Variants in VEZT observed in about 807,000 individuals in gnomAD.
VEZT encodes vezatin.
VEZT carries 39 observed loss-of-function variants against 79.9 expected under a neutral mutation model. That is an observed-to-expected ratio of 0.49 (90% CI 0.38 to 0.64). The LOEUF (loss-of-function observed/expected upper bound fraction) is 0.64, where lower values mean the gene tolerates loss of function less well. VEZT is among the 30% of genes least tolerant of loss of function. The pLI is 0.00. For synonymous variants in VEZT, 325 were observed against 327.6 expected (o/e 0.99, Z 0.09); for missense variants, 837 against 893.1 (o/e 0.94, Z 0.80).
chr12:95,277,504 T>C (rs1268648790), intron 7 of VEZT, among the ~76,000 whole-genome samples: 1 of 152,214 alleles, frequency 6.6e-6, no homozygotes, highest in Non-Finnish European at 1.5e-5. Context: ...TATATATAGC[T>C]ACTCTTTGGG....
At chr12:95,226,031 GCT>G (rs967511612) in intron 1 of VEZT, among the ~76,000 whole-genome samples, 2 of 151,540 alleles carry the variant, frequency 1.3e-5, no homozygotes, top group African/African-American at 4.9e-5. Flanking sequence ...GGAGTTCAAG[GCT>G]GTGATGAGCT....
chr12:95,258,688 A>G (rs901837821), intron 3 of VEZT, among the ~76,000 whole-genome samples: 4 of 152,186 alleles, frequency 2.6e-5, no homozygotes, highest in African/African-American at 9.7e-5. Context: ...TTAAAAATTA[A>G]AAAAATCCTT....
rs140211047 is a variant in VEZT, at chr12:95,239,304, C to A, written c.37-12636C>A. Among the ~76,000 whole-genome samples the A allele has an allele frequency of 5.7e-4, 87 of 152,090 alleles. 1 individual carries two copies. The East Asian group carries it at 0.016, about 28-fold the overall frequency. ...AATAAGTTAACTTTTCTTGTATATCCCCAGAGAGAAGTTAATGGCAGAGAA... is the reference window on the plus strand; with the variant it reads ...AATAAGTTAACTTTTCTTGTATATCACCAGAGAGAAGTTAATGGCAGAGAA... On this transcript the variant is annotated intron_variant, in intron 1 of 11. Transcript: ENST00000436874.
chr12:95,288,400 C>G (rs911639064), intron 9 of VEZT, among the ~76,000 whole-genome samples: 3 of 152,062 alleles, frequency 2.0e-5, no homozygotes, highest in African/African-American at 4.8e-5. Flanking sequence ...GAGATTTTTC[C>G]ACCAAGCTGC....
chr12:95,251,798 A>C, intron 1 of VEZT, 142 bp from the exon 2 acceptor site: 3 of 607,694 alleles, frequency 4.9e-6, no homozygotes, highest in Non-Finnish European at 5.3e-6. Context: ...GTATTATAAC[A>C]GATAATTCAG....
chr12:95,266,197 C>G (rs946088943), intron 4 of VEZT, among the ~76,000 whole-genome samples, 160 bp from the exon 5 acceptor site: 1 of 152,164 alleles, frequency 6.6e-6, no homozygotes, highest in African/African-American at 2.4e-5. Context: ...TTCACATCAC[C>G]TTCTTAAATG....
At chr12:95,294,086 C>CT in intron 9 of VEZT, 186 bp from the exon 10 acceptor site, 1 of 499,908 alleles carries the variant, frequency 2.0e-6, no homozygotes, top group Non-Finnish European at 3.6e-6. Flanking sequence ...GCGACAGAGT[C>CT]TTTGTTTCCA....
intron 11 of VEZT, among the ~76,000 whole-genome samples, chr12:95,298,188 T>C (rs1472943571): frequency 6.6e-6 from 1 of 151,990 alleles, no homozygotes; most frequent in Non-Finnish European, 1.5e-5. Flanking sequence ...TTCTGCCTTC[T>C]CCACCAAGCT....
intron 1 of VEZT, among the ~76,000 whole-genome samples, chr12:95,225,355 C>T (rs1184388392): frequency 6.6e-6 from 1 of 152,018 alleles, no homozygotes; most frequent in Admixed American, 6.6e-5. Context: ...GAGATTGAGA[C>T]CTTCCTGGCT....
chr12:95,242,539 G>T (rs921781770), intron 1 of VEZT, among the ~76,000 whole-genome samples: 1 of 152,128 alleles, frequency 6.6e-6, no homozygotes, highest in Admixed American at 6.6e-5. Context: ...GCTCAAGCAG[G>T]CATCCTCAGT....
At chr12:95,270,007 C>T (rs2138737417) in intron 5 of VEZT, 44 bp from the exon 6 acceptor site, 1 of 1,587,142 alleles carries the variant, frequency 6.3e-7, no homozygotes, top group Non-Finnish European at 8.6e-7. Context: ...TTTAGGACAC[C>T]TGTACAGTTG....
At chr12:95,295,382 G>A (rs1463629335) in intron 10 of VEZT, among the ~76,000 whole-genome samples, 1 of 151,786 alleles carries the variant, frequency 6.6e-6, no homozygotes, top group Non-Finnish European at 1.5e-5. Flanking sequence ...GGCTGGTCTT[G>A]AACTCCTGAC....
chr12:95,233,466 C>G (rs1364079619), intron 1 of VEZT, among the ~76,000 whole-genome samples: 1 of 152,156 alleles, frequency 6.6e-6, no homozygotes, highest in African/African-American at 2.4e-5. Context: ...GTGGCACAAT[C>G]TTGGCTCACT....
chr12:95,286,770 C>G (rs188254070), intron 8 of VEZT: 1 of 458,710 alleles, frequency 2.2e-6, no homozygotes, highest in East Asian at 5.7e-5. Flanking sequence ...GGCTCTGCCT[C>G]TTCAACTTTT....
At chr12:95,278,783 T>C (rs1293781229) in intron 7 of VEZT, among the ~76,000 whole-genome samples, 1 of 152,220 alleles carries the variant, frequency 6.6e-6, no homozygotes, top group Non-Finnish European at 1.5e-5. Flanking sequence ...GTGAGTCTTA[T>C]CCAGGCCTGG....
At chr12:95,226,884 A>G (rs553269804) in intron 1 of VEZT, among the ~76,000 whole-genome samples, 6 of 152,078 alleles carry the variant, frequency 3.9e-5, no homozygotes, top group African/African-American at 1.4e-4. Flanking sequence ...TCCTCCTCCT[A>G]TAAGATCATT....
chr12:95,294,073 G>C, intron 9 of VEZT, 199 bp from the exon 10 acceptor site: 1 of 463,388 alleles, frequency 2.2e-6, no homozygotes, highest in Non-Finnish European at 4.0e-6. Context: ...TTCAGTTTTT[G>C]TAGCGACAGA....
intron 7 of VEZT, among the ~76,000 whole-genome samples, chr12:95,275,357 C>T (rs955239603): frequency 6.6e-6 from 1 of 152,048 alleles, no homozygotes; most frequent in Admixed American, 6.5e-5. Flanking sequence ...CTTTGGGAGG[C>T]CAAAGCAGGC....
intron 9 of VEZT, among the ~76,000 whole-genome samples, chr12:95,292,582 T>C (rs2073157652): frequency 1.3e-5 from 2 of 148,430 alleles, no homozygotes; most frequent in South Asian, 4.2e-4. Flanking sequence ...AAAGTCGCAC[T>C]CTGTCGCCCA....
Sources: gnomAD v4.1 joint callset for allele counts (sites outside exome capture counted in the v4.1 genomes callset) on GRCh38, gnomAD v4.1.1 for gene constraint, MANE v1.5 for transcripts, NCBI Gene and HGNC (gene_info 2026-07-23, HGNC 2026-07-21) for gene names.